Variants in CHRM3 observed in about 807,000 individuals in gnomAD.
The protein encoded by CHRM3 is cholinergic receptor muscarinic 3, also known as muscarinic acetylcholine receptor M3.
CHRM3 carries 11 observed loss-of-function variants against 41.8 expected under a neutral mutation model. The observed-to-expected ratio is 0.26, with a 90% confidence interval of 0.17 to 0.44. The LOEUF (loss-of-function observed/expected upper bound fraction) is 0.44. Ranked by LOEUF, CHRM3 falls within the 20% of genes least tolerant of loss-of-function variation. The pLI is 1.00. For synonymous variants in CHRM3, 297 were observed against 301.4 expected (o/e 0.99, Z 0.15); for missense variants, 571 against 745.4 (o/e 0.77, Z 2.72).
intron 1 of CHRM3, among the ~76,000 whole-genome samples, chr1:239,468,821 C>T (rs992099664): frequency 3.9e-5 from 6 of 152,206 alleles, no homozygotes; most frequent in Non-Finnish European, 7.4e-5. Context: ...TATGTGGCTC[C>T]GTAAGTCCAC....
chr1:239,875,134 A>G (rs1366064418), intron 6 of CHRM3, among the ~76,000 whole-genome samples: 1 of 152,248 alleles, frequency 6.6e-6, no homozygotes, highest in African/African-American at 2.4e-5. Flanking sequence ...TATTAACGCC[A>G]GCTTTATTTA....
intron 3 of CHRM3, among the ~76,000 whole-genome samples, chr1:239,548,810 C>T (rs1298405195): frequency 3.9e-5 from 6 of 152,124 alleles, no homozygotes; most frequent in Admixed American, 2.6e-4. Context: ...CCAAGATGCA[C>T]ATTATGAAGT....
At chr1:239,493,010 C>T (rs1667654120) in intron 2 of CHRM3, among the ~76,000 whole-genome samples, 1 of 152,206 alleles carries the variant, frequency 6.6e-6, no homozygotes, top group Non-Finnish European at 1.5e-5. Flanking sequence ...CCTCCATTTA[C>T]AGGTGAAGTA....
intron 6 of CHRM3, among the ~76,000 whole-genome samples, chr1:239,894,663 G>C (rs569438338): frequency 6.6e-6 from 1 of 151,654 alleles, no homozygotes; most frequent in Admixed American, 6.6e-5. Flanking sequence ...GAACTCATGC[G>C]CTCAAGTGAT....
At chr1:239,890,730 A>G (rs151279717) in intron 6 of CHRM3, among the ~76,000 whole-genome samples, 3 of 152,312 alleles carry the variant, frequency 2.0e-5, no homozygotes, top group African/African-American at 7.2e-5. Context: ...GCAACTTCAA[A>G]TATTAACACA....
chr1:239,832,915 C>G (rs1673012923), intron 6 of CHRM3, among the ~76,000 whole-genome samples: 1 of 152,160 alleles, frequency 6.6e-6, no homozygotes, highest in Admixed American at 6.5e-5. Context: ...TCAATCTGTT[C>G]CCTTTACCGT....
intron 6 of CHRM3, among the ~76,000 whole-genome samples, chr1:239,855,822 A>T (rs1042772397): frequency 5.3e-5 from 8 of 152,188 alleles, no homozygotes; most frequent in African/African-American, 1.9e-4. Context: ...ATAATACCAC[A>T]TATCTGTCCC....
At chr1:239,807,809 T>C (rs1413470215) in intron 5 of CHRM3, among the ~76,000 whole-genome samples, 5 of 145,734 alleles carry the variant, frequency 3.4e-5, no homozygotes, top group Non-Finnish European at 7.4e-5. Context: ...TTGAGTGTTT[T>C]TGCTTTGCGC....
chr1:239,518,409 T>A (rs1328366213), intron 2 of CHRM3, among the ~76,000 whole-genome samples: 1 of 152,178 alleles, frequency 6.6e-6, no homozygotes, highest in African/African-American at 2.4e-5. Context: ...TGTATGCATA[T>A]TATAAGTAGG....
intron 3 of CHRM3, among the ~76,000 whole-genome samples, chr1:239,578,404 C>T (rs1305546976): frequency 6.6e-6 from 1 of 152,088 alleles, no homozygotes; most frequent in Non-Finnish European, 1.5e-5. Flanking sequence ...GAAAAATTGT[C>T]ATCTTATTTG....
At chr1:239,563,225 G>A (rs1406086680) in intron 3 of CHRM3, among the ~76,000 whole-genome samples, 1 of 151,540 alleles carries the variant, frequency 6.6e-6, no homozygotes, top group African/African-American at 2.4e-5. Context: ...ATACATCCAG[G>A]TGCACATTTT....
At chr1:239,417,554 T>A (rs1425619904) in intron 1 of CHRM3, among the ~76,000 whole-genome samples, 3 of 151,174 alleles carry the variant, frequency 2.0e-5, no homozygotes, top group African/African-American at 4.9e-5. Flanking sequence ...ATATGTCAGA[T>A]TGAGAAAATA....
At chr1:239,692,020 A>T (rs1659766042) in intron 5 of CHRM3, among the ~76,000 whole-genome samples, 1 of 152,208 alleles carries the variant, frequency 6.6e-6, no homozygotes, top group Non-Finnish European at 1.5e-5. Context: ...GTCTTACATC[A>T]GTTTCCTCGA....
chr1:239,389,995 T>G (rs1658882002), intron 1 of CHRM3, among the ~76,000 whole-genome samples: 2 of 152,206 alleles, frequency 1.3e-5, no homozygotes, highest in African/African-American at 4.8e-5. Context: ...TATCTGTCCT[T>G]CACTTATGGA....
intron 1 of CHRM3, among the ~76,000 whole-genome samples, chr1:239,482,562 A>G (rs1666926513): frequency 6.6e-6 from 1 of 151,832 alleles, no homozygotes; most frequent in Admixed American, 6.6e-5. Context: ...ACCCCTAGTC[A>G]CTCTTAGTAT....
At chr1:239,750,619 C>A (rs1221806942) in intron 5 of CHRM3, among the ~76,000 whole-genome samples, 1 of 152,152 alleles carries the variant, frequency 6.6e-6, no homozygotes, top group Non-Finnish European at 1.5e-5. Flanking sequence ...CCTAGTCTTG[C>A]GTTAATCACA....
At chr1:239,685,888 C>T (rs1288104769) in intron 5 of CHRM3, among the ~76,000 whole-genome samples, 1 of 152,072 alleles carries the variant, frequency 6.6e-6, no homozygotes, top group Non-Finnish European at 1.5e-5. Flanking sequence ...CTGTCATTGA[C>T]TCCCTGTCAC....
At chr1:239,514,829 C>T (rs1335050822) in intron 2 of CHRM3, among the ~76,000 whole-genome samples, 3 of 152,010 alleles carry the variant, frequency 2.0e-5, no homozygotes, top group East Asian at 1.9e-4. Flanking sequence ...CTCCTGGCTG[C>T]CGAACTTGAT....
chr1:239,662,015 A>T (rs1028023795), intron 4 of CHRM3, among the ~76,000 whole-genome samples: 6 of 149,978 alleles, frequency 4.0e-5, no homozygotes, highest in Admixed American at 6.7e-5. Flanking sequence ...CCTATTAATT[A>T]AAAAAAACAG....
Sources: gnomAD v4.1 joint callset for allele counts (sites outside exome capture counted in the v4.1 genomes callset) on GRCh38, gnomAD v4.1.1 for gene constraint, MANE v1.5 for transcripts, NCBI Gene and HGNC (gene_info 2026-07-23, HGNC 2026-07-21) for gene names.